The following FAP variants were observed in gnomAD, a reference collection of about 807,000 sequenced individuals.
FAP encodes fibroblast activation protein alpha, also known as prolyl endopeptidase FAP.
FAP carries 110 observed loss-of-function variants against 126.5 expected under a neutral mutation model. The observed-to-expected ratio is 0.87, with a 90% confidence interval of 0.74 to 1.02. The LOEUF is 1.02. FAP is among the 50% of genes least tolerant of loss of function. The pLI, the probability that FAP is intolerant of heterozygous loss-of-function variation, is 0.00. For synonymous variants in FAP, 334 were observed against 297.3 expected (o/e 1.12, Z -1.27); for missense variants, 919 against 909.2 (o/e 1.01, Z -0.14).
intron 1 of FAP, 158 bp from the exon 2 acceptor site, chr2:162,243,150 T>C (rs1047334714): frequency 3.7e-6 from 3 of 802,776 alleles, no homozygotes; most frequent in Non-Finnish European, 6.1e-6. Flanking sequence ...CTTCCAGCTC[T>C]GCAAGGACAA....
At chr2:162,221,137 G>C (rs1689373238) in intron 6 of FAP, among the ~76,000 whole-genome samples, 1 of 152,126 alleles carries the variant, frequency 6.6e-6, no homozygotes, top group Non-Finnish European at 1.5e-5. Flanking sequence ...CCCATGGAAA[G>C]TGACCATTGG....
In FAP at chr2:162,180,638, T is replaced by A. The variant is rs145117188; in HGVS notation, c.1869+2776A>T. ...TGACAGAACTTACTAATCAATGGAA[T>A]GTTGAAGTCAGGAACAGGAACAGGG... On this transcript the variant is annotated intron_variant, in intron 21 of 25. Transcript: ENST00000188790. Among the ~76,000 whole-genome samples the A allele has an allele frequency of 7.2e-4, 109 of 152,332 alleles. 1 individual carries two copies. The highest frequency in any genetic ancestry group is 3.5e-3 in the Admixed American group (53 of 15,306).
intron 24 of FAP, 67 bp from the exon 25 acceptor site, chr2:162,172,951 G>A: frequency 2.3e-6 from 3 of 1,295,198 alleles, no homozygotes; most frequent in Non-Finnish European, 3.4e-6. Flanking sequence ...ACAATGTACT[G>A]CCTGGAAATG....
chr2:162,243,266 C>T (rs200819525), intron 1 of FAP, 56 bp downstream of exon 1: 367 of 1,315,792 alleles, frequency 2.8e-4, no homozygotes, highest in African/African-American at 4.0e-4. Context: ...ACTCTGATCA[C>T]GTTCAATCCA....
At chr2:162,228,676 A>T (rs1351223961) in intron 2 of FAP, among the ~76,000 whole-genome samples, 1 of 152,164 alleles carries the variant, frequency 6.6e-6, no homozygotes, top group Non-Finnish European at 1.5e-5. Flanking sequence ...TGTACACTAT[A>T]CAGTTATTTG....
At chr2:162,200,333 A>G (rs1354579098) in intron 15 of FAP, among the ~76,000 whole-genome samples, 1 of 152,256 alleles carries the variant, frequency 6.6e-6, no homozygotes, top group Non-Finnish European at 1.5e-5. Flanking sequence ...TTTAGTATTC[A>G]TGTAAACATT....
At chr2:162,235,657 A>G (rs532790677) in intron 2 of FAP, among the ~76,000 whole-genome samples, 1 of 152,274 alleles carries the variant, frequency 6.6e-6, no homozygotes, top group Non-Finnish European at 1.5e-5. Context: ...TGTAAAATGG[A>G]CCAATCAGCA....
At chr2:162,240,933 G>A (rs1690322852) in intron 2 of FAP, among the ~76,000 whole-genome samples, 1 of 152,132 alleles carries the variant, frequency 6.6e-6, no homozygotes, top group African/African-American at 2.4e-5. Context: ...TGAGATGTGA[G>A]AAGAAAGGAG....
chr2:162,189,842 G>A (rs77285664), intron 17 of FAP, 88 bp from the exon 18 acceptor site: 1,018 of 678,486 alleles, frequency 1.5e-3, no homozygotes, highest in Non-Finnish European at 2.2e-3. Flanking sequence ...CAATATGGGT[G>A]AAACTGAAAC....
At position 162,203,044 on chromosome 2, in the gene FAP, A is replaced by G; in HGVS notation, c.1149T>C (p.Thr383=). The change falls in exon 13 of 26, where the codon ACT becomes ACC. Residue 383 remains threonine, a synonymous_variant. Transcript: ENST00000188790. The stretch of plus-strand genomic sequence containing the variant: ...ATAAATCTTGGAAGGAACGTACCAC[A>G]GTGTCTTTGATATAGTGAATATGTT... ...GYKHIHYIKD[T]VENAIQITSG... 6.2e-7 allele frequency: 1 copy of G among 1,610,476 alleles called. No individual in the cohort carries two copies. Among genetic ancestry groups the G allele is most frequent in the Non-Finnish European group, 8.5e-7 (1 of 1,176,762 alleles).
At chr2:162,199,570 C>G (rs7591229) in intron 15 of FAP, among the ~76,000 whole-genome samples, 5,059 of 152,228 alleles carry the variant, frequency 0.033, 294 homozygotes, top group African/African-American at 0.12. Context: ...TATCCGACAC[C>G]CTCAGAATCA....
intron 2 of FAP, among the ~76,000 whole-genome samples, chr2:162,229,404 A>G (rs976571556): frequency 6.6e-6 from 1 of 152,296 alleles, no homozygotes; most frequent in Admixed American, 6.5e-5. Flanking sequence ...TACTAAAACC[A>G]CAGTTTGAGA....
rs138373913 is a variant in FAP, at chr2:162,225,321, A to G, written c.285+162T>C. Among the ~76,000 whole-genome samples, 262 of 152,296 alleles carry G rather than the reference A, an allele frequency of 1.7e-3. 2 individuals are homozygous for G. Among genetic ancestry groups the G allele is most frequent in the African/African-American group, 5.9e-3 (247 of 41,572 alleles). ...TGATTTACAAGAAGGCAAAGACAGT[A>G]GTCTAATGGGACTAGCAGACAGAAC... On this transcript the variant is annotated intron_variant, in intron 4 of 25. Transcript: ENST00000188790.
intron 11 of FAP, among the ~76,000 whole-genome samples, 200 bp downstream of exon 11, chr2:162,213,738 C>T (rs564370159): frequency 2.0e-5 from 3 of 152,112 alleles, no homozygotes; most frequent in East Asian, 1.9e-4. Context: ...TCAAGGTTTA[C>T]GTCATTCAAG....
chr2:162,188,114 T>C, intron 20 of FAP, 55 bp downstream of exon 20: 1 of 1,375,134 alleles, frequency 7.3e-7, no homozygotes, highest in Non-Finnish European at 1.0e-6. Flanking sequence ...AACACAATAG[T>C]GATTGCATGA....
chr2:162,218,413 T>A (rs1689242163), intron 8 of FAP, among the ~76,000 whole-genome samples: 1 of 152,252 alleles, frequency 6.6e-6, no homozygotes. Flanking sequence ...TGGCACTAAT[T>A]AATTTTTTCT....
chr2:162,187,060 G>T (rs769902207), intron 20 of FAP, among the ~76,000 whole-genome samples: 1 of 151,826 alleles, frequency 6.6e-6, no homozygotes, highest in Non-Finnish European at 1.5e-5. Context: ...TGAACATTTT[G>T]TTTGTTCCCA....
chr2:162,205,850 T>A (rs1350263184), intron 12 of FAP, among the ~76,000 whole-genome samples: 3 of 152,118 alleles, frequency 2.0e-5, no homozygotes, highest in Non-Finnish European at 4.4e-5. Context: ...AACACAAAAA[T>A]TGGTTCTACA....
At chr2:162,173,126 T>G (rs754866365) in intron 24 of FAP, 23 bp downstream of exon 24, 1 of 1,596,612 alleles carries the variant, frequency 6.3e-7, no homozygotes, top group South Asian at 1.1e-5. Context: ...TTTTTATGTG[T>G]AAGAGTCTTG....
Sources: allele counts gnomAD v4.1 joint callset (sites outside exome capture counted in the v4.1 genomes callset), GRCh38; gene constraint gnomAD v4.1.1; transcripts MANE v1.5; gene names NCBI Gene and HGNC (gene_info 2026-07-23, HGNC 2026-07-21).